SYT14: variants seen among roughly 807,000 people sequenced by gnomAD.
SYT14 encodes the protein synaptotagmin-14.
In SYT14, 32 loss-of-function variants were observed where a neutral mutation model predicts 74.2. The ratio of observed to expected loss-of-function variants is 0.43; its 90% CI spans 0.33 to 0.58. SYT14 has a LOEUF of 0.58. SYT14 is among the 20% of genes least tolerant of loss of function. SYT14 has a pLI of 0.05. For missense variants in SYT14, 791 were observed against 981.8 expected (o/e 0.81, Z 2.60); for synonymous variants, 298 against 337.7 (o/e 0.88, Z 1.29).
chr1:210,105,295 G>A (rs2082139328), intron 7 of SYT14, among the ~76,000 whole-genome samples: 1 of 152,202 alleles, frequency 6.6e-6, no homozygotes, highest in Non-Finnish European at 1.5e-5. Flanking sequence ...AAGGTCTGTT[G>A]CTCCTCTCTG....
chr1:210,076,274 T>C (rs2102463260), intron 5 of SYT14, among the ~76,000 whole-genome samples: 1 of 152,358 alleles, frequency 6.6e-6, no homozygotes, highest in Middle Eastern at 3.4e-3. Flanking sequence ...CTAATATAGA[T>C]GCCATGGTGT....
intron 6 of SYT14, 71 bp from the exon 6 acceptor site, chr1:210,099,941 C>T (rs2082031100): frequency 1.5e-6 from 2 of 1,343,734 alleles, no homozygotes; most frequent in Admixed American, 2.0e-5. Flanking sequence ...AAAGAAATAT[C>T]AAGTATTTAT....
intron 5 of SYT14, among the ~76,000 whole-genome samples, chr1:210,089,673 T>C (rs1344058408): frequency 6.6e-6 from 1 of 152,230 alleles, no homozygotes; most frequent in African/African-American, 2.4e-5. Flanking sequence ...TTTCTATACA[T>C]TTTCTAGCTA....
intron 2 of SYT14, among the ~76,000 whole-genome samples, chr1:209,991,762 A>C (rs1437830240): frequency 6.6e-6 from 1 of 151,912 alleles, no homozygotes; most frequent in East Asian, 1.9e-4. Flanking sequence ...CCTAGGAGGC[A>C]GAGGCTGCAG....
At chr1:210,072,804 T>TA (rs2081418774) in intron 5 of SYT14, among the ~76,000 whole-genome samples, 1 of 152,072 alleles carries the variant, frequency 6.6e-6, no homozygotes, top group Admixed American at 6.5e-5. Flanking sequence ...ATGCAAATGA[T>TA]ACAGTAGTTA....
intron 1 of SYT14, among the ~76,000 whole-genome samples, chr1:209,946,560 A>G (rs1051232542): frequency 6.6e-6 from 1 of 152,220 alleles, no homozygotes; most frequent in African/African-American, 2.4e-5. Flanking sequence ...ATGCTGAGAG[A>G]AGTGAAGAAG....
chr1:210,040,825 A>G (rs1404650293), intron 5 of SYT14, among the ~76,000 whole-genome samples: 1 of 152,188 alleles, frequency 6.6e-6, no homozygotes, highest in East Asian at 1.9e-4. Context: ...TTTGAAGACT[A>G]TTTGGTCTTC....
At chr1:210,019,996 C>A (rs538891559) in intron 4 of SYT14, among the ~76,000 whole-genome samples, 116 of 152,254 alleles carry the variant, frequency 7.6e-4, no homozygotes, top group South Asian at 5.2e-3. Context: ...AGAAATTCTG[C>A]CTTTCACAAG....
At chr1:210,081,073 T>C (rs2081606897) in intron 5 of SYT14, among the ~76,000 whole-genome samples, 1 of 152,150 alleles carries the variant, frequency 6.6e-6, no homozygotes, top group South Asian at 2.1e-4. Context: ...TTGAGGAAAT[T>C]GCCAGTGTAC....
chr1:210,064,686 T>A (rs977112231), intron 5 of SYT14, among the ~76,000 whole-genome samples: 2 of 152,090 alleles, frequency 1.3e-5, no homozygotes, highest in African/African-American at 4.8e-5. Context: ...TTGAGTTGCT[T>A]CTACCTTTTG....
At chr1:209,977,610 C>T (rs1404773706) in intron 2 of SYT14, among the ~76,000 whole-genome samples, 1 of 152,158 alleles carries the variant, frequency 6.6e-6, no homozygotes, top group Non-Finnish European at 1.5e-5. Flanking sequence ...TGTGGGTAAC[C>T]CGACCTTTCT....
chr1:209,946,104 T>C (rs143020823), intron 1 of SYT14, among the ~76,000 whole-genome samples: 3 of 152,362 alleles, frequency 2.0e-5, no homozygotes, highest in East Asian at 3.9e-4. Context: ...ACTTAGTTGA[T>C]AAATGTTGTG....
chr1:210,004,837 G>T (rs1252900818), intron 2 of SYT14, among the ~76,000 whole-genome samples: 1 of 151,044 alleles, frequency 6.6e-6, no homozygotes, highest in Admixed American at 6.6e-5. Context: ...AAATATATTT[G>T]CTTTTACTAT....
At chr1:210,073,807 A>G (rs533663370) in intron 5 of SYT14, among the ~76,000 whole-genome samples, 5 of 152,230 alleles carry the variant, frequency 3.3e-5, no homozygotes, top group African/African-American at 1.2e-4. Flanking sequence ...GTCTCTATGT[A>G]TATACACATT....
In SYT14 at chr1:210,144,610, C is replaced by T. The variant is rs376416488; in HGVS notation, c.2035-11111C>T. On this transcript the variant is annotated intron_variant, in intron 7 of 9. Transcript: ENST00000637265. Reference sequence around the variant, plus strand: ...AATGAAATTCAATAGATTTCACTAACCACTGTTGGAAAACCAATAGTCTAT... The same window carrying T: ...AATGAAATTCAATAGATTTCACTAATCACTGTTGGAAAACCAATAGTCTAT... Among the ~76,000 whole-genome samples, 12 of 151,984 alleles carry T rather than the reference C, an allele frequency of 7.9e-5. No individual in the cohort carries two copies. In the East Asian group the frequency reaches 1.2e-3, roughly 15 times the overall value.
chr1:210,111,092 A>T (rs1180396633), intron 7 of SYT14, among the ~76,000 whole-genome samples: 1 of 152,236 alleles, frequency 6.6e-6, no homozygotes, highest in Non-Finnish European at 1.5e-5. Context: ...ACTAATTTTC[A>T]CACACGTCTG....
chr1:210,018,475 A>G (rs1485937822), intron 4 of SYT14, among the ~76,000 whole-genome samples: 2 of 152,152 alleles, frequency 1.3e-5, no homozygotes, highest in African/African-American at 4.8e-5. Context: ...GATCTTTGGT[A>G]GGCCTAGTTT....
intron 7 of SYT14, among the ~76,000 whole-genome samples, chr1:210,135,798 A>G (rs2082773517): frequency 6.6e-6 from 1 of 152,176 alleles, no homozygotes; most frequent in African/African-American, 2.4e-5. Flanking sequence ...TGCTATAGAA[A>G]ACTAGACATT....
At chr1:209,943,797 ATAATG>A (rs1210618375) in intron 1 of SYT14, among the ~76,000 whole-genome samples, 3 of 152,172 alleles carry the variant, frequency 2.0e-5, no homozygotes, top group African/African-American at 4.8e-5. Context: ...TTACATATGA[ATAATG>A]TAAGAATGAA....
Sources: allele counts gnomAD v4.1 joint callset (sites outside exome capture counted in the v4.1 genomes callset), GRCh38; gene constraint gnomAD v4.1.1; transcripts MANE v1.5; gene names NCBI Gene and HGNC (gene_info 2026-07-23, HGNC 2026-07-21).